ZBTB7C: variants seen among roughly 807,000 people sequenced by gnomAD.
ZBTB7C encodes zinc finger and BTB domain containing 7C.
ZBTB7C carries 8 observed loss-of-function variants against 25.7 expected under a neutral mutation model. The ratio of observed to expected loss-of-function variants is 0.31; its 90% CI spans 0.18 to 0.56. The LOEUF is 0.56. Among genes scored for constraint, ZBTB7C ranks in the 20% least tolerant of loss-of-function variants. ZBTB7C has a pLI of 0.91. For synonymous variants in ZBTB7C, 394 were observed against 369.0 expected, an observed-to-expected ratio of 1.07 and a Z score of -0.78; for missense variants, 824 against 855.2, an observed-to-expected ratio of 0.96 and a Z score of 0.46.
chr18:48,160,729 G>GT (rs1046595951), intron 3 of ZBTB7C, among the ~76,000 whole-genome samples: 1 of 152,128 alleles, frequency 6.6e-6, no homozygotes, highest in Non-Finnish European at 1.5e-5. Context: ...ACCTGAAAAT[G>GT]TAAGAACTCA....
intron 3 of ZBTB7C, among the ~76,000 whole-genome samples, chr18:48,185,681 A>G (rs542218557): frequency 6.6e-6 from 1 of 152,276 alleles, no homozygotes; most frequent in South Asian, 2.1e-4. Context: ...AATCGAGTCA[A>G]GGGAGTGACT....
chr18:48,310,976 G>A (rs1466373212), intron 2 of ZBTB7C, among the ~76,000 whole-genome samples: 3 of 152,290 alleles, frequency 2.0e-5, no homozygotes, highest in African/African-American at 7.2e-5. Context: ...GCCAATTTGG[G>A]CAGTAAATTA....
chr18:48,270,749 C>T (rs1194204445), intron 2 of ZBTB7C, among the ~76,000 whole-genome samples: 2 of 151,244 alleles, frequency 1.3e-5, no homozygotes, highest in South Asian at 2.1e-4. Flanking sequence ...AGCATGTCGG[C>T]CAGGATGGTC....
At chr18:48,160,643 G>T (rs959049510) in intron 3 of ZBTB7C, among the ~76,000 whole-genome samples, 4 of 152,160 alleles carry the variant, frequency 2.6e-5, no homozygotes, top group Non-Finnish European at 5.9e-5. Flanking sequence ...TGATCAAAGA[G>T]CTCCAAGCTT....
At chr18:48,287,962 G>C (rs866689921) in intron 2 of ZBTB7C, among the ~76,000 whole-genome samples, 1 of 152,184 alleles carries the variant, frequency 6.6e-6, no homozygotes, top group Non-Finnish European at 1.5e-5. Context: ...ACTTAACAGT[G>C]ATGCACTGGA....
At chr18:48,202,611 T>TG (rs2042480388) in intron 2 of ZBTB7C, among the ~76,000 whole-genome samples, 1 of 152,010 alleles carries the variant, frequency 6.6e-6, no homozygotes, top group South Asian at 2.1e-4. Flanking sequence ...AGTACCCCAC[T>TG]GTGCTCTGCT....
At chr18:48,395,512 A>C in intron 1 of ZBTB7C, among the ~76,000 whole-genome samples, 1 of 148,082 alleles carries the variant, frequency 6.8e-6, no homozygotes, top group Non-Finnish European at 1.5e-5. Flanking sequence ...GTTGGGGGTG[A>C]TGTGTATGAA....
intron 1 of ZBTB7C, among the ~76,000 whole-genome samples, chr18:48,394,624 T>A (rs961262505): frequency 6.6e-6 from 1 of 152,216 alleles, no homozygotes; most frequent in African/African-American, 2.4e-5. Flanking sequence ...AAATCTTTGC[T>A]TAGAAGTAGG....
At chr18:48,190,743 G>A (rs867054390) in intron 2 of ZBTB7C, among the ~76,000 whole-genome samples, 7 of 152,314 alleles carry the variant, frequency 4.6e-5, no homozygotes, top group Admixed American at 1.3e-4. Flanking sequence ...GCCCTGAGCT[G>A]AGCACAGTGC....
At chr18:48,229,562 A>G (rs1440485062) in intron 2 of ZBTB7C, among the ~76,000 whole-genome samples, 3 of 152,168 alleles carry the variant, frequency 2.0e-5, no homozygotes. Flanking sequence ...AAAACATTAT[A>G]TTTCTTTTAA....
chr18:48,316,871 C>A (rs1175569834), intron 2 of ZBTB7C, among the ~76,000 whole-genome samples: 3 of 152,244 alleles, frequency 2.0e-5, no homozygotes, highest in Non-Finnish European at 4.4e-5. Context: ...CCACACCTCT[C>A]TGGGCCTCAG....
intron 2 of ZBTB7C, among the ~76,000 whole-genome samples, chr18:48,253,332 G>A (rs775339289): frequency 1.3e-5 from 2 of 152,106 alleles, no homozygotes; most frequent in Admixed American, 6.6e-5. Context: ...TTTCAGCCAA[G>A]GTAGAGAGAA....
At chr18:48,339,094 A>C (rs1446511820) in intron 1 of ZBTB7C, among the ~76,000 whole-genome samples, 1 of 152,260 alleles carries the variant, frequency 6.6e-6, no homozygotes. Flanking sequence ...ATGCTGTGTC[A>C]GGAGGGGCCA....
At chr18:48,385,819 C>T (rs550837674) in intron 1 of ZBTB7C, among the ~76,000 whole-genome samples, 4 of 152,222 alleles carry the variant, frequency 2.6e-5, no homozygotes, top group Non-Finnish European at 4.4e-5. Context: ...GCCCACACGA[C>T]GTGCTGCTGG....
chr18:48,242,073 T>C (rs1017774117), intron 2 of ZBTB7C, among the ~76,000 whole-genome samples: 9 of 152,154 alleles, frequency 5.9e-5, no homozygotes, highest in South Asian at 2.1e-4. Flanking sequence ...TGAATATGTT[T>C]ATGTGCACAA....
Position 48,236,662 on chromosome 18 carries a change from C to T in ZBTB7C, c.-78-50667G>A, listed in dbSNP as rs150157426. On this transcript the variant is annotated intron_variant, in intron 2 of 4. Transcript: ENST00000590800. ...TTGAGGTGGGAAGTAAAAGACAAGT[C>T]TAATAAGAACAGTAGATGGGATGTG... Among the ~76,000 whole-genome samples, 930 of 152,250 alleles carry T rather than the reference C, an allele frequency of 6.1e-3. 2 individuals carry two copies. The highest frequency in any genetic ancestry group is 0.01 in the Non-Finnish European group (681 of 68,016).
At chr18:48,267,481 A>G (rs1312025026) in intron 2 of ZBTB7C, among the ~76,000 whole-genome samples, 1 of 152,176 alleles carries the variant, frequency 6.6e-6, no homozygotes, top group African/African-American at 2.4e-5. Flanking sequence ...CATTGTTATC[A>G]ATATGGTAAC....
At chr18:48,129,120 G>A (rs1405106393) in intron 3 of ZBTB7C, among the ~76,000 whole-genome samples, 1 of 152,204 alleles carries the variant, frequency 6.6e-6, no homozygotes, top group Admixed American at 6.5e-5. Context: ...TCAGCGGGTG[G>A]GGAGAGGAAT....
chr18:48,048,729 C>T (rs1338501876), intron 3 of ZBTB7C, among the ~76,000 whole-genome samples: 1 of 151,822 alleles, frequency 6.6e-6, no homozygotes, highest in Non-Finnish European at 1.5e-5. Context: ...TTGCCTTCTG[C>T]ACAGTTTTGC....
Sources: gnomAD v4.1 joint callset for allele counts (sites outside exome capture counted in the v4.1 genomes callset) on GRCh38, gnomAD v4.1.1 for gene constraint, MANE v1.5 for transcripts, NCBI Gene and HGNC (gene_info 2026-07-23, HGNC 2026-07-21) for gene names.